SLC22A3: variants seen among roughly 807,000 people sequenced by gnomAD.
SLC22A3 encodes EMT organic cation transporter 3.
In SLC22A3, 51 loss-of-function variants were observed where a neutral mutation model predicts 59.1. That is an observed-to-expected ratio of 0.86 (90% CI 0.69 to 1.09). SLC22A3 has a LOEUF of 1.09. Ranked by LOEUF, SLC22A3 falls within the 50% of genes least tolerant of loss-of-function variation. SLC22A3 has a pLI of 0.00. For synonymous variants in SLC22A3, 325 were observed against 292.0 expected, an observed-to-expected ratio of 1.11 and a Z score of -1.15; for missense variants, 711 against 726.3, an observed-to-expected ratio of 0.98 and a Z score of 0.24.
chr6:160,352,119 T>C (rs1784681698), intron 1 of SLC22A3, among the ~76,000 whole-genome samples: 1 of 152,224 alleles, frequency 6.6e-6, no homozygotes, highest in African/African-American at 2.4e-5. Flanking sequence ...TTTCATTTGG[T>C]GGGAATGGTT....
rs192650276 is a variant in SLC22A3 at position 160,363,392 on chromosome 6, C to T, written c.429+14544C>T. The stretch of plus-strand genomic sequence containing the variant: ...GGCAGGAAGCTCAGAGTCCAGGCCC[C>T]GTGCCCCTCTTTGGGGGCTAGAGCT... On this transcript the variant is annotated intron_variant, in intron 1 of 10. Transcript: ENST00000275300. 3.3e-3 allele frequency among the ~76,000 whole-genome samples: 495 copies of T among 152,282 alleles called. 3 individuals carry two copies. The highest frequency in any genetic ancestry group is 0.011 in the African/African-American group (472 of 41,582).
chr6:160,385,453 G>A, intron 1 of SLC22A3, among the ~76,000 whole-genome samples: 1 of 152,210 alleles, frequency 6.6e-6, no homozygotes, highest in Non-Finnish European at 1.5e-5. Flanking sequence ...ACTTTTCCTT[G>A]TGAGAGTTTG....
In SLC22A3 at chr6:160,444,228, G is replaced by C. The variant is rs140793089; in HGVS notation, c.1510+486G>C. 3.6e-3 allele frequency among the ~76,000 whole-genome samples: 554 copies of C among 152,260 alleles called. 2 individuals are homozygous for C. Among genetic ancestry groups the C allele is most frequent in the Non-Finnish European group, 4.0e-3 (271 of 68,016 alleles). On this transcript the variant is annotated intron_variant, in intron 9 of 10. Coordinates refer to ENST00000275300, the MANE Select transcript of SLC22A3 (RefSeq NM_021977.4). Reference sequence around the variant, plus strand: ...ACAAAAATTTAAAAATTAGCTAGGCGTGGTGATCCATGGGTGCCTGTAGTC... The same window carrying C: ...ACAAAAATTTAAAAATTAGCTAGGCCTGGTGATCCATGGGTGCCTGTAGTC...
At chr6:160,439,794 C>T (rs1368582948) in intron 7 of SLC22A3, among the ~76,000 whole-genome samples, 1 of 152,212 alleles carries the variant, frequency 6.6e-6, no homozygotes, top group East Asian at 1.9e-4. Flanking sequence ...TCATGACTGA[C>T]TGGCAAGAAT....
chr6:160,408,985 C>T lies in SLC22A3; in HGVS notation c.857+64C>T, dbSNP rs918055790. ...CTGCAGAAATTAGACTCCAAACAGA[C>T]ATGAAAATGAAAGCAATAAAGAAAA... On this transcript the variant is annotated intron_variant, in intron 4 of 10. Coordinates refer to ENST00000275300, the MANE Select transcript of SLC22A3 (RefSeq NM_021977.4). 6.7e-6 allele frequency: 8 copies of T among 1,189,288 alleles called. No individual in the cohort carries two copies. The South Asian group carries it at 8.2e-5, about 12-fold the overall frequency. 73.7% of individuals were successfully genotyped at this position (1,189,288 alleles called of 1,614,324 possible).
intron 1 of SLC22A3, among the ~76,000 whole-genome samples, chr6:160,377,812 G>A (rs116903126): frequency 0.011 from 1,637 of 152,338 alleles, 19 homozygotes; most frequent in Non-Finnish European, 0.018. Flanking sequence ...AGGCTGCTAA[G>A]CAAACGTAGG....
chr6:160,423,767 A>G (rs1055630018), intron 5 of SLC22A3, among the ~76,000 whole-genome samples: 3 of 152,144 alleles, frequency 2.0e-5, no homozygotes, highest in African/African-American at 7.2e-5. Flanking sequence ...CCCATTCTCT[A>G]GGTTGCCTGT....
chr6:160,395,784 T>C (rs1224367165), intron 1 of SLC22A3, among the ~76,000 whole-genome samples: 1 of 152,234 alleles, frequency 6.6e-6, no homozygotes, highest in Non-Finnish European at 1.5e-5. Flanking sequence ...TCCAAATTTT[T>C]TCCAACTATG....
At chr6:160,380,753 A>G (rs751410593) in intron 1 of SLC22A3, among the ~76,000 whole-genome samples, 5 of 152,246 alleles carry the variant, frequency 3.3e-5, no homozygotes, top group Non-Finnish European at 7.3e-5. Context: ...CTGATGACAT[A>G]GAATGATAAC....
chr6:160,439,788 GACTGACTGGCAAGAA>G (rs1788481140), intron 7 of SLC22A3, among the ~76,000 whole-genome samples: 1 of 152,146 alleles, frequency 6.6e-6, no homozygotes, highest in African/African-American at 2.4e-5. Flanking sequence ...TGTCAGTCAT[GACTGACTGGCAAGAA>G]TACATTTCAA....
At chr6:160,350,160 G>C (rs3120137) in intron 1 of SLC22A3, among the ~76,000 whole-genome samples, 6 of 149,960 alleles carry the variant, frequency 4.0e-5, no homozygotes, top group African/African-American at 1.5e-4. Flanking sequence ...CTGTAACGCC[G>C]TGTGCTGCTG....
In SLC22A3 at chr6:160,364,975, A is replaced by AT. The variant is rs199619888; in HGVS notation, c.429+16134dup. On this transcript the variant is annotated intron_variant, in intron 1 of 10. Transcript: ENST00000275300. ...TATATTGCTTTATATCAATATAATGATTTTTTTACTATGTAAAAAAATACA... is the reference window on the plus strand; with the variant it reads ...TATATTGCTTTATATCAATATAATGATTTTTTTTACTATGTAAAAAAATACA... Among the ~76,000 whole-genome samples the AT allele has an allele frequency of 8.0e-3, 1,220 of 152,212 alleles. 13 individuals carry two copies. The highest frequency in any genetic ancestry group is 0.031 in the Middle Eastern group (9 of 294).
At chr6:160,448,325 G>T (rs989681238) in intron 10 of SLC22A3, among the ~76,000 whole-genome samples, 1 of 152,176 alleles carries the variant, frequency 6.6e-6, no homozygotes, top group Non-Finnish European at 1.5e-5. Flanking sequence ...GAAGACAGAT[G>T]ACACACAGAT....
intron 1 of SLC22A3, among the ~76,000 whole-genome samples, chr6:160,349,564 G>T (rs1198877340): frequency 6.6e-6 from 1 of 152,190 alleles, no homozygotes; most frequent in Non-Finnish European, 1.5e-5. Flanking sequence ...TTTACAGGCG[G>T]AGGCTGCTGC....
intron 2 of SLC22A3, among the ~76,000 whole-genome samples, chr6:160,398,851 A>C (rs935897956): frequency 6.6e-6 from 1 of 151,816 alleles, no homozygotes; most frequent in Non-Finnish European, 1.5e-5. Flanking sequence ...TATCTGGCCT[A>C]ATATTGTTCT....
chr6:160,348,481 T>C lies in SLC22A3; in HGVS notation c.62T>C (p.Val21Ala). ...VGEFGRFQRR[V>A]FLLLCLTGVT... ...GAGTTCGGGCGCTTCCAGAGGCGCG[T>C]GTTTTTGCTGCTGTGCCTGACGGGC... Residue 21 changes from valine to alanine, a missense_variant, in exon 1 of 11, where the codon GTG (valine) becomes GCG (alanine). Physicochemically the swap from Val to Ala is moderately conservative, Grantham distance 64. Transcript: ENST00000275300. 1 of 1,549,006 alleles carries C rather than the reference T, an allele frequency of 6.5e-7. No homozygotes were observed.
At chr6:160,426,325 G>A (rs1787951265) in intron 5 of SLC22A3, 1 of 985,284 alleles carries the variant, frequency 1.0e-6, no homozygotes, top group Non-Finnish European at 1.2e-6. Context: ...TGTGGTTCTT[G>A]TGGTTTTGGT....
intron 9 of SLC22A3, 92 bp downstream of exon 9, chr6:160,443,834 T>G: frequency 1.7e-6 from 1 of 577,686 alleles, no homozygotes; most frequent in South Asian, 3.7e-5. Flanking sequence ...ATAATGATAA[T>G]GATAGTCATT....
chr6:160,410,638 C>A, intron 4 of SLC22A3, 91 bp from the exon 5 acceptor site: 1 of 808,948 alleles, frequency 1.2e-6, no homozygotes, highest in Non-Finnish European at 2.2e-6. Context: ...TATCTAATTG[C>A]AAGATCCATT....
Sources: gnomAD v4.1 joint callset for allele counts (sites outside exome capture counted in the v4.1 genomes callset) on GRCh38, gnomAD v4.1.1 for gene constraint, MANE v1.5 for transcripts, NCBI Gene and HGNC (gene_info 2026-07-23, HGNC 2026-07-21) for gene names.